The following SHANK2 variants were observed in gnomAD, a reference collection of about 807,000 sequenced individuals.
The protein encoded by SHANK2 is SH3 and multiple ankyrin repeat domains protein 2.
In SHANK2, 43 loss-of-function variants were observed where a neutral mutation model predicts 133.7. That is an observed-to-expected ratio of 0.32 (90% confidence interval 0.25 to 0.41). The LOEUF is 0.41. Among genes scored for constraint, SHANK2 ranks in the 10% least tolerant of loss-of-function variants. The pLI is 1.00. For synonymous variants in SHANK2, 1,017 were observed against 952.8 expected, an observed-to-expected ratio of 1.07 and a Z score of -1.24; for missense variants, 1,994 against 2,235.8, an observed-to-expected ratio of 0.89 and a Z score of 2.18.
intron 2 of SHANK2, among the ~76,000 whole-genome samples, chr11:71,148,161 C>T (rs1205670866): frequency 1.3e-5 from 2 of 151,872 alleles, no homozygotes; most frequent in African/African-American, 2.4e-5. Flanking sequence ...CTCGGCTCAC[C>T]GCAACCTCCG....
At chr11:70,700,166 C>T (rs2134497061) in intron 14 of SHANK2, among the ~76,000 whole-genome samples, 1 of 152,304 alleles carries the variant, frequency 6.6e-6, no homozygotes, top group Admixed American at 6.5e-5. Flanking sequence ...CACACTGCTC[C>T]CCACAAACCC....
intron 14 of SHANK2, among the ~76,000 whole-genome samples, chr11:70,738,385 C>T (rs2095735835): frequency 6.6e-6 from 1 of 152,238 alleles, no homozygotes; most frequent in South Asian, 2.1e-4. Context: ...GCACCACAGC[C>T]CTGAGGGGCG....
chr11:71,207,873 A>G (rs1954159819), intron 2 of SHANK2, among the ~76,000 whole-genome samples: 1 of 152,094 alleles, frequency 6.6e-6, no homozygotes, highest in Non-Finnish European at 1.5e-5. Context: ...TTGCCTCTCC[A>G]GGCTGGAGAG....
intron 17 of SHANK2, among the ~76,000 whole-genome samples, chr11:70,629,512 C>T (rs782488904): frequency 2.6e-5 from 4 of 152,080 alleles, no homozygotes; most frequent in Admixed American, 1.3e-4. Context: ...TCACAGGCTG[C>T]GGGCCACCGT....
At chr11:71,087,026 C>T (rs1951429091) in intron 8 of SHANK2, among the ~76,000 whole-genome samples, 1 of 152,230 alleles carries the variant, frequency 6.6e-6, no homozygotes, top group Non-Finnish European at 1.5e-5. Context: ...TCCACATTTT[C>T]TAAGCTGAGG....
intron 9 of SHANK2, among the ~76,000 whole-genome samples, chr11:71,060,849 C>T (rs1338709417): frequency 1.3e-5 from 2 of 152,200 alleles, no homozygotes; most frequent in African/African-American, 2.4e-5. Flanking sequence ...GGTGACGCTC[C>T]GCACAGGGTT....
rs1177347392 is a variant in SHANK2 at position 71,121,799 on chromosome 11, GAAAAAATCAAAC to G, written c.208-2779_208-2768del. Among the ~76,000 whole-genome samples, 6 of 152,222 alleles carry G rather than the reference GAAAAAATCAAAC, an allele frequency of 3.9e-5. 1 individual carries two copies. In the East Asian group the frequency reaches 9.7e-4, roughly 24 times the overall value. On this transcript the variant is annotated intron_variant, in intron 3 of 25. Transcript: ENST00000601538. The stretch of plus-strand genomic sequence containing the variant: ...GCAAAGAACTTAAACAAATTTATAA[GAAAAAATCAAAC>G]AACCCCATCAAAAAGTGGGCAAAGG...
In SHANK2 at chr11:70,503,794, C is replaced by T. The variant is rs150986027; in HGVS notation, c.2062-863G>A. ...ATGCTCAGCAGCAGATGGCCTTGGC[C>T]TCTGCCTCCCAGCCCCACGCTACTC... On this transcript the variant is annotated intron_variant, in intron 17 of 25. Transcript: ENST00000601538. Among the ~76,000 whole-genome samples the T allele has an allele frequency of 5.6e-4, 85 of 152,352 alleles. 1 individual carries two copies. In the East Asian group the frequency reaches 0.015, roughly 28 times the overall value.
chr11:70,585,526 T>A (rs1176132382), intron 17 of SHANK2, among the ~76,000 whole-genome samples: 1 of 152,226 alleles, frequency 6.6e-6, no homozygotes, highest in African/African-American at 2.4e-5. Context: ...TTGTTCCTAA[T>A]AAGGACAGGC....
chr11:70,905,683 A>C lies in SHANK2; in HGVS notation c.1108-9116T>G, dbSNP rs556280757. 4.6e-5 allele frequency among the ~76,000 whole-genome samples: 7 copies of C among 152,166 alleles called. No homozygotes were observed. The South Asian group carries it at 1.5e-3, about 32-fold the overall frequency. On this transcript the variant is annotated intron_variant, in intron 10 of 25. Transcript: ENST00000601538. Reference sequence around the variant, plus strand: ...CATGTGAGGACACAGCAAGAAGACCACCATCCAGGAAGTGGGCCCTCATCA... The same window carrying C: ...CATGTGAGGACACAGCAAGAAGACCCCCATCCAGGAAGTGGGCCCTCATCA...
At chr11:71,145,191 C>G (rs1404906042) in intron 3 of SHANK2, among the ~76,000 whole-genome samples, 2 of 152,202 alleles carry the variant, frequency 1.3e-5, no homozygotes, top group Non-Finnish European at 2.9e-5. Flanking sequence ...CACCCTGAGC[C>G]TCCCCCACAA....
At chr11:70,549,343 C>G (rs2059735814) in intron 17 of SHANK2, among the ~76,000 whole-genome samples, 1 of 152,212 alleles carries the variant, frequency 6.6e-6, no homozygotes, top group African/African-American at 2.4e-5. Context: ...TTTCTTCTGC[C>G]TCTCTCACCC....
chr11:70,488,673 C>A (rs1264420070), intron 24 of SHANK2, among the ~76,000 whole-genome samples: 2 of 152,244 alleles, frequency 1.3e-5, no homozygotes, highest in East Asian at 3.8e-4. Flanking sequence ...TGGGTCCCAG[C>A]GGCAGCCCTG....
At chr11:70,543,729 C>A (rs2059652322) in intron 17 of SHANK2, among the ~76,000 whole-genome samples, 1 of 152,248 alleles carries the variant, frequency 6.6e-6, no homozygotes, top group Admixed American at 6.5e-5. Context: ...ATCATGGGAA[C>A]CCTGATTCAT....
chr11:70,837,389 C>A (rs7946750), intron 11 of SHANK2, among the ~76,000 whole-genome samples: 75,584 of 151,928 alleles, frequency 0.5, 19,231 homozygotes, highest in Middle Eastern at 0.61. Flanking sequence ...ATTCCTCTGC[C>A]TGCTCTCCCC....
intron 11 of SHANK2, among the ~76,000 whole-genome samples, chr11:70,827,114 C>T (rs1006005997): frequency 6.6e-6 from 1 of 152,204 alleles, no homozygotes; most frequent in Non-Finnish European, 1.5e-5. Flanking sequence ...CCACGTTCCC[C>T]GGGCAGACAT....
At chr11:70,895,551 G>A (rs1200458360) in intron 11 of SHANK2, 1 of 152,550 alleles carries the variant, frequency 6.6e-6, no homozygotes, top group African/African-American at 2.4e-5. Context: ...CTCTCCTCCT[G>A]GTTGGCACAA....
At chr11:70,641,607 G>C (rs2061183837) in intron 17 of SHANK2, among the ~76,000 whole-genome samples, 1 of 152,220 alleles carries the variant, frequency 6.6e-6, no homozygotes, top group South Asian at 2.1e-4. Flanking sequence ...CTGCCAGCCA[G>C]AGGCGGCCGA....
intron 7 of SHANK2, among the ~76,000 whole-genome samples, chr11:71,093,058 G>GGC (rs1429548015): frequency 6.9e-6 from 1 of 144,314 alleles, no homozygotes; most frequent in Non-Finnish European, 1.5e-5. Context: ...TAAAGGGGGG[G>GGC]GGGGGCAGGT....
Sources: allele counts gnomAD v4.1 joint callset (sites outside exome capture counted in the v4.1 genomes callset), GRCh38; gene constraint gnomAD v4.1.1; transcripts MANE v1.5; gene names NCBI Gene and HGNC (gene_info 2026-07-23, HGNC 2026-07-21).